Variants in PVT1 observed in about 807,000 individuals in gnomAD.
PVT1 encodes the protein Pvt1 oncogene, also known as CXCR4/PVT1 fusion.
chr8:127,823,193 T>C (rs1241871962), intron 2 of PVT1, among the ~76,000 whole-genome samples: 1 of 152,210 alleles, frequency 6.6e-6, no homozygotes, highest in Non-Finnish European at 1.5e-5. Flanking sequence ...GGTGCATATC[T>C]AAAGGTGGTT....
chr8:127,943,006 C>T (rs929782437), intron 3 of PVT1, among the ~76,000 whole-genome samples: 1 of 152,220 alleles, frequency 6.6e-6, no homozygotes, highest in Admixed American at 6.5e-5. Flanking sequence ...GACCCATCTT[C>T]CCAGGTCTCC....
At chr8:127,875,496 G>A (rs1286479518) in intron 2 of PVT1, among the ~76,000 whole-genome samples, 1 of 152,132 alleles carries the variant, frequency 6.6e-6, no homozygotes, top group Non-Finnish European at 1.5e-5. Context: ...GCATAGTAAA[G>A]GACTGAAGGA....
intron 3 of PVT1, among the ~76,000 whole-genome samples, chr8:127,987,276 C>T (rs1431390159): frequency 3.3e-5 from 5 of 152,280 alleles, no homozygotes; most frequent in South Asian, 2.1e-4. Flanking sequence ...ACCTGGCAGA[C>T]GGGTAGTGTT....
At chr8:127,868,785 A>ATATACG (rs1815316502) in intron 2 of PVT1, among the ~76,000 whole-genome samples, 1 of 114,284 alleles carries the variant, frequency 8.8e-6, no homozygotes, top group African/African-American at 4.0e-5. Flanking sequence ...ATATATATAT[A>ATATACG]TATATATACA....
intron 2 of PVT1, among the ~76,000 whole-genome samples, chr8:127,816,004 G>T (rs1002968793): frequency 6.6e-6 from 1 of 152,078 alleles, no homozygotes; most frequent in African/African-American, 2.4e-5. Flanking sequence ...CATGCCTGTA[G>T]TCCCAGCTAC....
chr8:127,967,174 A>C (rs1816712348), intron 3 of PVT1, among the ~76,000 whole-genome samples: 1 of 152,184 alleles, frequency 6.6e-6, no homozygotes, highest in Non-Finnish European at 1.5e-5. Context: ...GAATGGATGC[A>C]TACCCACCCG....
chr8:127,827,971 AT>A (rs34775582), intron 2 of PVT1, among the ~76,000 whole-genome samples: 1 of 151,882 alleles, frequency 6.6e-6, no homozygotes, highest in African/African-American at 2.4e-5. Flanking sequence ...CAATGTGAGC[AT>A]TTTTTTCTAC....
intron 2 of PVT1, among the ~76,000 whole-genome samples, chr8:127,797,120 C>T (rs944782225): frequency 2.6e-5 from 4 of 151,462 alleles, no homozygotes; most frequent in East Asian, 1.9e-4. Context: ...TCAGGTGATC[C>T]GCCCGCCTTG....
chr8:128,047,784 G>T (rs1238570152), intron 4 of PVT1, among the ~76,000 whole-genome samples: 1 of 152,154 alleles, frequency 6.6e-6, no homozygotes, highest in Non-Finnish European at 1.5e-5. Flanking sequence ...ATCAGTATGT[G>T]AGATGATGCA....
At chr8:128,031,289 C>T (rs1005573975) in intron 4 of PVT1, among the ~76,000 whole-genome samples, 2 of 152,180 alleles carry the variant, frequency 1.3e-5, no homozygotes, top group African/African-American at 4.8e-5. Context: ...CCTTTGATGC[C>T]CCAGGGGCTG....
intron 3 of PVT1, among the ~76,000 whole-genome samples, chr8:127,981,887 A>G (rs1443856466): frequency 2.6e-5 from 4 of 152,106 alleles, no homozygotes; most frequent in South Asian, 4.2e-4. Flanking sequence ...GTCTGACCAC[A>G]CCTGCGGCTT....
chr8:127,968,242 G>A (rs532992545), intron 3 of PVT1, among the ~76,000 whole-genome samples: 1 of 152,248 alleles, frequency 6.6e-6, no homozygotes, highest in East Asian at 1.9e-4. Context: ...TGGCTTTTGG[G>A]AACAGGATCT....
chr8:128,017,882 CT>C (rs1391381583), intron 4 of PVT1, among the ~76,000 whole-genome samples: 4 of 152,218 alleles, frequency 2.6e-5, no homozygotes, highest in Non-Finnish European at 5.9e-5. Flanking sequence ...TGTGGCCCAG[CT>C]GTAGGTCACA....
chr8:128,039,566 G>GGA (rs1250461732), intron 4 of PVT1, among the ~76,000 whole-genome samples: 2 of 152,212 alleles, frequency 1.3e-5, no homozygotes, highest in African/African-American at 4.8e-5. Flanking sequence ...ATACCTCAGG[G>GGA]GAGATGGTGG....
In PVT1 at chr8:128,037,785, C is replaced by T. The variant is rs182036615; in HGVS notation, n.913-32375C>T. Among the ~76,000 whole-genome samples, 146 of 152,286 alleles carry T rather than the reference C, an allele frequency of 9.6e-4. 2 individuals are homozygous for T. Among genetic ancestry groups the T allele is most frequent in the Admixed American group, 9.5e-3 (146 of 15,294 alleles). On this transcript the variant is annotated intron_variant and non_coding_transcript_variant, in intron 4 of 10. Transcript: ENST00000651587. ...TGCTGCTCGCGTTGGTGGCTTAGAG[C>T]CCAGCAGCACATTTAGTTCAGTGCC...
At chr8:128,060,115 G>T (rs909083927) in intron 4 of PVT1, among the ~76,000 whole-genome samples, 2 of 152,146 alleles carry the variant, frequency 1.3e-5, no homozygotes, top group African/African-American at 4.8e-5. Flanking sequence ...AATTAGCTGG[G>T]TGTGGCAGCG....
chr8:128,068,131 T>A (rs1426776759), intron 4 of PVT1, among the ~76,000 whole-genome samples: 11 of 152,080 alleles, frequency 7.2e-5, no homozygotes, highest in African/African-American at 2.7e-4. Flanking sequence ...TACAGGGATG[T>A]GTCCTCAGTG....
At chr8:128,093,111 A>G (rs1814381091) in intron 5 of PVT1, among the ~76,000 whole-genome samples, 1 of 151,964 alleles carries the variant, frequency 6.6e-6, no homozygotes, top group African/African-American at 2.4e-5. Context: ...TATTTTGGTT[A>G]TTTGCTGCCA....
chr8:127,992,189 C>A (rs1353456667), intron 4 of PVT1, among the ~76,000 whole-genome samples: 1 of 152,066 alleles, frequency 6.6e-6, no homozygotes, highest in South Asian at 2.1e-4. Context: ...AGTTCGAGAC[C>A]AGCCTGGCCA....
Sources: allele counts gnomAD v4.1 joint callset (sites outside exome capture counted in the v4.1 genomes callset), GRCh38; gene constraint gnomAD v4.1.1; transcripts MANE v1.5; gene names NCBI Gene and HGNC (gene_info 2026-07-23, HGNC 2026-07-21).